The following RAP1GDS1 variants were observed in gnomAD, a reference collection of about 807,000 sequenced individuals.
The protein encoded by RAP1GDS1 is Rap1 GTPase-GDP dissociation stimulator 1, also known as RAP1, GTP-GDP dissociation stimulator 1.
In RAP1GDS1, 35 loss-of-function variants were observed where a neutral mutation model predicts 71.1. The observed-to-expected ratio is 0.49, with a 90% CI of 0.38 to 0.65. The LOEUF is 0.65. RAP1GDS1 is among the 30% of genes least tolerant of loss of function. The probability of loss-of-function intolerance (pLI) is 0.00; values close to 1 mark genes in which losing one functional copy is unlikely to be tolerated. For missense variants in RAP1GDS1, 663 were observed against 706.1 expected, an observed-to-expected ratio of 0.94 and a Z score of 0.69; for synonymous variants, 229 against 243.1, an observed-to-expected ratio of 0.94 and a Z score of 0.54.
intron 4 of RAP1GDS1, among the ~76,000 whole-genome samples, chr4:98,357,419 G>A (rs1738122721): frequency 6.6e-6 from 1 of 151,828 alleles, no homozygotes; most frequent in South Asian, 2.1e-4. Flanking sequence ...ACAACAATAT[G>A]TTACTGCTAC....
intron 14 of RAP1GDS1, among the ~76,000 whole-genome samples, chr4:98,437,771 A>C (rs944115475): frequency 1.3e-5 from 2 of 151,682 alleles, no homozygotes. Flanking sequence ...CAGACTAGGC[A>C]ACAGAACAAG....
At chr4:98,420,661 C>T (rs901982643) in intron 11 of RAP1GDS1, among the ~76,000 whole-genome samples, 3 of 152,148 alleles carry the variant, frequency 2.0e-5, no homozygotes, top group Non-Finnish European at 4.4e-5. Context: ...CATGTCCAGC[C>T]TATAATTGAC....
intron 2 of RAP1GDS1, among the ~76,000 whole-genome samples, chr4:98,298,733 TC>T (rs1373397923): frequency 6.6e-6 from 1 of 152,144 alleles, no homozygotes; most frequent in East Asian, 1.9e-4. Context: ...TAACACAACA[TC>T]CGTGGATGAA....
At chr4:98,420,693 A>G (rs1748718089) in intron 11 of RAP1GDS1, among the ~76,000 whole-genome samples, 1 of 152,120 alleles carries the variant, frequency 6.6e-6, no homozygotes, top group African/African-American at 2.4e-5. Context: ...ATTATACCAT[A>G]TCTCTCCTTA....
intron 12 of RAP1GDS1, among the ~76,000 whole-genome samples, chr4:98,430,086 C>G (rs1394377189): frequency 6.6e-6 from 1 of 152,118 alleles, no homozygotes. Context: ...TTTCCCTCAT[C>G]TAACCTCCCA....
intron 3 of RAP1GDS1, among the ~76,000 whole-genome samples, chr4:98,349,368 A>G (rs1489871797): frequency 6.6e-6 from 1 of 152,142 alleles, no homozygotes; most frequent in Non-Finnish European, 1.5e-5. Context: ...TGGTTACTGT[A>G]GCCTTGTAGT....
At chr4:98,309,027 C>T (rs1471741075) in intron 2 of RAP1GDS1, among the ~76,000 whole-genome samples, 2 of 151,832 alleles carry the variant, frequency 1.3e-5, no homozygotes, top group Non-Finnish European at 1.5e-5. Context: ...TATTATTCAG[C>T]CCTGAAAATG....
At chr4:98,273,344 A>G (rs888442077) in intron 1 of RAP1GDS1, among the ~76,000 whole-genome samples, 1 of 152,206 alleles carries the variant, frequency 6.6e-6, no homozygotes, top group African/African-American at 2.4e-5. Flanking sequence ...TCAACAATGC[A>G]AAAACTGCAG....
chr4:98,392,519 A>T (rs1743866187), intron 6 of RAP1GDS1, among the ~76,000 whole-genome samples: 1 of 152,132 alleles, frequency 6.6e-6, no homozygotes, highest in African/African-American at 2.4e-5. Context: ...ATTCGAGACC[A>T]GTCTGGGCCC....
intron 5 of RAP1GDS1, among the ~76,000 whole-genome samples, chr4:98,390,843 T>TAA (rs993265823): frequency 2.6e-5 from 4 of 152,040 alleles, no homozygotes; most frequent in African/African-American, 9.7e-5. Flanking sequence ...CAAAGAGAAA[T>TAA]AAAAGAATTT....
At chr4:98,425,038 C>T (rs991401941) in intron 12 of RAP1GDS1, among the ~76,000 whole-genome samples, 6 of 152,198 alleles carry the variant, frequency 3.9e-5, no homozygotes, top group Admixed American at 3.3e-4. Flanking sequence ...CAGTGGATTT[C>T]TCAGCAGAAC....
rs1748198378 is a variant in RAP1GDS1 at position 98,417,479 on chromosome 4, T to G, written c.1020T>G (p.Ile340Met). 2 of 1,613,884 alleles carry G rather than the reference T, an allele frequency of 1.2e-6. No homozygotes were observed. Among genetic ancestry groups the G allele is most frequent in the East Asian group, 4.5e-5 (2 of 44,842 alleles). ...TACAGCTTGCTGGAGCATTGGCAATTGCAAATTTTGCCAGAAATGGTAAGC... is the reference window on the plus strand; with the variant it reads ...TACAGCTTGCTGGAGCATTGGCAATGGCAAATTTTGCCAGAAATGGTAAGC... ...HQLQLAGALAIANFARNDANC... is the reference protein window; with the variant it reads ...HQLQLAGALAMANFARNDANC... Residue 340 changes from isoleucine to methionine, a missense_variant, in exon 9 of 15, where the codon ATT becomes ATG. Ile to Met is a conservative substitution (Grantham distance 10, BLOSUM62 1). Transcript: ENST00000408927.
chr4:98,275,954 A>G (rs1023955824), intron 1 of RAP1GDS1, among the ~76,000 whole-genome samples: 1 of 152,130 alleles, frequency 6.6e-6, no homozygotes, highest in African/African-American at 2.4e-5. Context: ...CTTCTTGACC[A>G]GTTTTTACAT....
At chr4:98,393,435 C>T (rs982714620) in intron 6 of RAP1GDS1, among the ~76,000 whole-genome samples, 8 of 151,974 alleles carry the variant, frequency 5.3e-5, no homozygotes, top group African/African-American at 1.9e-4. Context: ...AATAAAAGTA[C>T]ATTCATTTAG....
At chr4:98,275,960 T>A (rs1327053755) in intron 1 of RAP1GDS1, among the ~76,000 whole-genome samples, 1 of 152,186 alleles carries the variant, frequency 6.6e-6, no homozygotes, top group Non-Finnish European at 1.5e-5. Context: ...GACCAGTTTT[T>A]ACATGCTGCT....
intron 4 of RAP1GDS1, among the ~76,000 whole-genome samples, chr4:98,378,678 G>A (rs1741533863): frequency 6.6e-6 from 1 of 151,766 alleles, no homozygotes; most frequent in Non-Finnish European, 1.5e-5. Flanking sequence ...CTTAGTTTCT[G>A]TTTTTTTCTC....
chr4:98,397,463 C>T (rs1429882255), intron 6 of RAP1GDS1, among the ~76,000 whole-genome samples: 1 of 152,002 alleles, frequency 6.6e-6, no homozygotes, highest in Non-Finnish European at 1.5e-5. Context: ...TGAGACCTCC[C>T]CCCGACCCAC....
chr4:98,375,349 C>T (rs1365246749), intron 4 of RAP1GDS1, among the ~76,000 whole-genome samples: 1 of 152,124 alleles, frequency 6.6e-6, no homozygotes, highest in Non-Finnish European at 1.5e-5. Flanking sequence ...CTCACCTTAA[C>T]TAATTATATC....
intron 12 of RAP1GDS1, among the ~76,000 whole-genome samples, chr4:98,429,207 G>A (rs1226241502): frequency 1.3e-5 from 2 of 149,500 alleles, no homozygotes; most frequent in Non-Finnish European, 3.0e-5. Flanking sequence ...GCAGTGAGCC[G>A]AGATGGCACC....
Sources: gnomAD v4.1 joint callset for allele counts (sites outside exome capture counted in the v4.1 genomes callset) on GRCh38, gnomAD v4.1.1 for gene constraint, MANE v1.5 for transcripts, NCBI Gene and HGNC (gene_info 2026-07-23, HGNC 2026-07-21) for gene names.